Variants in SLCO2B1 observed in about 807,000 individuals in gnomAD.
SLCO2B1 encodes OATP-RP2.
Under a neutral mutation model 67.3 loss-of-function variants are expected in SLCO2B1, and 41 were observed. That is an observed-to-expected ratio of 0.61 (90% CI 0.47 to 0.79). SLCO2B1 has a LOEUF of 0.79. Among genes scored for constraint, SLCO2B1 ranks in the 30% least tolerant of loss-of-function variants. SLCO2B1 has a pLI of 0.00. For synonymous variants in SLCO2B1, 379 were observed against 381.4 expected (o/e 0.99, Z 0.07); for missense variants, 837 against 920.1 (o/e 0.91, Z 1.17).
intron 3 of SLCO2B1, among the ~76,000 whole-genome samples, chr11:75,164,609 T>A (rs1949864953): frequency 1.3e-5 from 2 of 151,776 alleles, no homozygotes; most frequent in African/African-American, 4.8e-5. Flanking sequence ...CTGCTTTGGG[T>A]GGATTTGGAG....
At chr11:75,173,739 C>T (rs1208461841) in intron 7 of SLCO2B1, among the ~76,000 whole-genome samples, 1 of 152,180 alleles carries the variant, frequency 6.6e-6, no homozygotes, top group Non-Finnish European at 1.5e-5. Context: ...CCCACAAAAA[C>T]ACGAGGCCTG....
At chr11:75,182,970 C>T (rs1471039906) in intron 7 of SLCO2B1, among the ~76,000 whole-genome samples, 1 of 152,146 alleles carries the variant, frequency 6.6e-6, no homozygotes, top group Non-Finnish European at 1.5e-5. Context: ...TCTCAGCTGT[C>T]CAGGACCCTC....
intron 7 of SLCO2B1, among the ~76,000 whole-genome samples, chr11:75,181,622 A>G (rs753365930): frequency 1.1e-4 from 17 of 152,254 alleles, no homozygotes; most frequent in Non-Finnish European, 2.1e-4. Context: ...TTCTTTTAAT[A>G]GGAACTTAGT....
At chr11:75,190,600 G>A (rs539983684) in intron 8 of SLCO2B1, among the ~76,000 whole-genome samples, 1 of 152,326 alleles carries the variant, frequency 6.6e-6, no homozygotes, top group East Asian at 1.9e-4. Context: ...TGATGGAAGA[G>A]ACCTGACCTC....
At chr11:75,200,104 A>T (rs762253724) in intron 10 of SLCO2B1, 120 bp from the exon 11 acceptor site, 3 of 1,058,738 alleles carry the variant, frequency 2.8e-6, no homozygotes, top group South Asian at 1.6e-5. Context: ...ACTCCCAGCC[A>T]GCTCTACCCC....
chr11:75,164,872 G>C (rs1949868352), intron 3 of SLCO2B1, among the ~76,000 whole-genome samples: 1 of 152,160 alleles, frequency 6.6e-6, no homozygotes, highest in Non-Finnish European at 1.5e-5. Context: ...TCACTCCCCT[G>C]TCTCTGGGCC....
At chr11:75,163,921 C>G (rs1361310615) in intron 2 of SLCO2B1, 42 bp from the exon 3 acceptor site, 1 of 1,565,034 alleles carries the variant, frequency 6.4e-7, no homozygotes, top group Admixed American at 1.9e-5. Context: ...TTTGTCTCCC[C>G]CTGCACCGCC....
intron 7 of SLCO2B1, among the ~76,000 whole-genome samples, chr11:75,181,859 T>G (rs1439241963): frequency 6.6e-6 from 1 of 152,220 alleles, no homozygotes; most frequent in African/African-American, 2.4e-5. Flanking sequence ...GCACGTTTCC[T>G]GTTTCTGGAG....
rs1382405281 is a variant in SLCO2B1 at position 75,200,407 on chromosome 11, A to C, written c.1763+20A>C. On this transcript the variant is annotated intron_variant, in intron 11 of 13. Coordinates refer to ENST00000289575, the MANE Select transcript of SLCO2B1 (RefSeq NM_007256.5). ...CCTAAGGTGAAGGTGGGGGTGGGGC[A>C]GGGGCAGGTGGATACCAGGAGGTCC... 4 of 1,571,150 alleles carry C rather than the reference A, an allele frequency of 2.5e-6. No homozygotes were observed. Among genetic ancestry groups the C allele is most frequent in the Non-Finnish European group, 3.5e-6 (4 of 1,154,340 alleles).
At chr11:75,162,239 GC>G in intron 1 of SLCO2B1, among the ~76,000 whole-genome samples, 1 of 152,240 alleles carries the variant, frequency 6.6e-6, no homozygotes. Flanking sequence ...ACAGTCCCAG[GC>G]CCAGACTCAG....
At chr11:75,163,174 G>T (rs1310500274) in intron 2 of SLCO2B1, among the ~76,000 whole-genome samples, 1 of 152,154 alleles carries the variant, frequency 6.6e-6, no homozygotes, top group Non-Finnish European at 1.5e-5. Flanking sequence ...GGTGCCAGGC[G>T]CTGTGCCAGG....
intron 7 of SLCO2B1, among the ~76,000 whole-genome samples, chr11:75,176,364 T>A (rs1950023425): frequency 6.6e-6 from 1 of 152,198 alleles, no homozygotes. Flanking sequence ...AGGACCCCTG[T>A]CCCTCTCCAG....
chr11:75,204,296 C>T lies in SLCO2B1; in HGVS notation c.1950-104C>T, dbSNP rs369300296. 38 of 1,209,242 alleles carry T rather than the reference C, an allele frequency of 3.1e-5. No homozygotes were observed. In the African/African-American group the frequency reaches 5.2e-4, roughly 17 times the overall value. 74.9% of individuals were successfully genotyped at this position (1,209,242 alleles called of 1,614,324 possible). ...AGAGCCACAGCAGAGGTCAATGTCT[C>T]CCTGAGGCCTCAGTATCTCTGATTT... On this transcript the variant is annotated intron_variant, in intron 13 of 13. Transcript: ENST00000289575.
intron 8 of SLCO2B1, among the ~76,000 whole-genome samples, chr11:75,190,645 C>T (rs1013669331): frequency 2.0e-5 from 3 of 152,194 alleles, no homozygotes; most frequent in Non-Finnish European, 4.4e-5. Context: ...ATAAGGGAGA[C>T]GTAGTCCTTG....
Position 75,193,254 on chromosome 11 carries a change from C to T in SLCO2B1, c.1112C>T (p.Pro371Leu), listed in dbSNP as rs200134899. ...PRVLLQTLRHPIFLLVVLSQV... is the reference protein window; with the variant it reads ...PRVLLQTLRHLIFLLVVLSQV... ...GTGCTGCTGCAGACCCTACGCCACC[C>T]CATCTTCCTGCTGGTGGTCCTGTCC... The change falls in exon 9 of 14, where the codon CCC (proline) becomes CTC (leucine). Residue 371 changes from proline to leucine, a missense_variant. Transcript: ENST00000289575. The surrounding 1 kb of genome is among the most constrained non-coding windows in gnomAD (Gnocchi z 4.2). 6.2e-7 allele frequency: 1 copy of T among 1,613,554 alleles called. No individual in the cohort carries two copies. The highest frequency in any genetic ancestry group is 8.5e-7 in the Non-Finnish European group (1 of 1,179,946).
intron 10 of SLCO2B1, 112 bp from the exon 11 acceptor site, chr11:75,200,112 C>A: frequency 1.7e-6 from 2 of 1,160,888 alleles, no homozygotes; most frequent in Non-Finnish European, 2.4e-6. Flanking sequence ...CCAGCTCTAC[C>A]CCAACTGGCT....
chr11:75,188,336 C>A, intron 8 of SLCO2B1, 98 bp downstream of exon 8: 1 of 768,782 alleles, frequency 1.3e-6, no homozygotes. Flanking sequence ...TTCATCTTCT[C>A]TACCTGCAGA....
intron 11 of SLCO2B1, 104 bp from the exon 12 acceptor site, chr11:75,202,797 G>A (rs1945202072): frequency 1.0e-6 from 1 of 974,326 alleles, no homozygotes; most frequent in Admixed American, 1.7e-5. Flanking sequence ...CTGGCTCTGG[G>A]TGGTGGGAGA....
chr11:75,173,703 C>A (rs1391325909), intron 7 of SLCO2B1, among the ~76,000 whole-genome samples: 1 of 152,078 alleles, frequency 6.6e-6, no homozygotes, highest in Non-Finnish European at 1.5e-5. Flanking sequence ...CCATTCTGGG[C>A]CAGGGACTTC....
Sources: gnomAD v4.1 joint callset for allele counts (sites outside exome capture counted in the v4.1 genomes callset) on GRCh38, gnomAD v4.1.1 for gene constraint, Gnocchi (gnomAD v3.1) non-coding constraint, MANE v1.5 for transcripts, NCBI Gene and HGNC (gene_info 2026-07-23, HGNC 2026-07-21) for gene names.